The following RBMX2 variants were observed in gnomAD, a reference collection of about 807,000 sequenced individuals.
RBMX2 encodes the protein RNA-binding motif protein, X-linked 2.
For missense variants in RBMX2, 191 were observed against 256.0 expected, an observed-to-expected ratio of 0.75 and a Z score of 1.73; for synonymous variants, 77 against 94.3, an observed-to-expected ratio of 0.82 and a Z score of 1.07.
intron 3 of RBMX2, among the ~76,000 whole-genome samples, chrX:130,406,021 AT>A (rs1380865143): frequency 1.3e-5 from 1 of 77,017 alleles, no homozygotes; most frequent in Non-Finnish European, 2.2e-5. Context: ...CGCCCGGCTA[AT>A]TTTTTTGTAT....
At chrX:130,412,258 G>T in intron 5 of RBMX2, 103 bp from the exon 6 acceptor site, 1 of 993,502 alleles carries the variant, frequency 1.0e-6, no homozygotes, top group Non-Finnish European at 1.3e-6. Context: ...ACCTGTGGTT[G>T]ATGTAACGTA....
At chrX:130,403,771 G>T in intron 2 of RBMX2, 31 bp from the exon 3 acceptor site, 1 of 1,190,386 alleles carries the variant, frequency 8.4e-7, no homozygotes, top group Non-Finnish European at 1.1e-6. Context: ...GGTAAATGTT[G>T]GTGGAACTGA....
At chrX:130,404,657 G>A (rs1028923309) in intron 3 of RBMX2, among the ~76,000 whole-genome samples, 3 of 112,889 alleles carry the variant, frequency 2.7e-5, no homozygotes, top group African/African-American at 6.4e-5. Flanking sequence ...CTGGCCAAGC[G>A]AACACCGGTA....
At chrX:130,403,719 C>G (rs1446622186) in intron 2 of RBMX2, 83 bp from the exon 3 acceptor site, 1 of 900,586 alleles carries the variant, frequency 1.1e-6, no homozygotes, top group African/African-American at 2.0e-5. Flanking sequence ...ACTGTTTCCA[C>G]CCCTAGTGCC....
intron 3 of RBMX2, among the ~76,000 whole-genome samples, chrX:130,405,106 C>T (rs1239933870): frequency 8.9e-6 from 1 of 112,054 alleles, no homozygotes; most frequent in East Asian, 2.8e-4. Flanking sequence ...TGGCTGGGTG[C>T]GGTGGCTCAC....
chrX:130,408,280 G>A (rs2034495404), intron 3 of RBMX2, among the ~76,000 whole-genome samples: 1 of 112,202 alleles, frequency 8.9e-6, no homozygotes, highest in Non-Finnish European at 1.9e-5. Context: ...TTACAGGCAT[G>A]AGCCACCATG....
rs529640469 is a variant in RBMX2, at chrX:130,405,092, T to A, written c.173+1239T>A. Reference sequence around the variant, plus strand: ...TAACAGTGCCTTTCAAAAAACTACTTTGTTGGCTGGGTGCGGTGGCTCACG... The same window carrying A: ...TAACAGTGCCTTTCAAAAAACTACTATGTTGGCTGGGTGCGGTGGCTCACG... On this transcript the variant is annotated intron_variant, in intron 3 of 5. Transcript: ENST00000305536. Among the ~76,000 whole-genome samples the A allele has an allele frequency of 2.2e-3, 242 of 112,057 alleles. 1 individual carries two copies. The Middle Eastern group carries it at 0.032, about 15-fold the overall frequency.
intron 3 of RBMX2, among the ~76,000 whole-genome samples, chrX:130,405,650 A>G (rs929034116): frequency 2.7e-5 from 3 of 110,265 alleles, no homozygotes; most frequent in Non-Finnish European, 3.8e-5. Context: ...TCTTTAGTGA[A>G]AGAGGAATAT....
chrX:130,412,463 A>G lies in RBMX2; in HGVS notation c.584A>G (p.Lys195Arg). The G allele has an allele frequency of 8.3e-7, 1 of 1,210,484 alleles. No individual in the cohort carries two copies. Among genetic ancestry groups the G allele is most frequent in the South Asian group, 1.8e-5 (1 of 56,883 alleles). ...SSSSPRRKTV[K>R]EKDDTGPKKH... is the part of the protein sequence containing the mutation. ...TCGTCACCCAGACGCAAGACAGTAA[A>G]GGAAAAGGATGACACTGGCCCTAAG... is the stretch of plus-strand genomic sequence containing the variant. The change falls in exon 6 of 6, where the codon AAG (lysine) becomes AGG (arginine). Residue 195 changes from lysine (K) to arginine (R), a missense_variant. Coordinates refer to ENST00000305536, the MANE Select transcript of RBMX2 (RefSeq NM_016024.4).
intron 3 of RBMX2, among the ~76,000 whole-genome samples, chrX:130,408,963 T>C (rs2034498913): frequency 8.9e-6 from 1 of 112,458 alleles, no homozygotes; most frequent in East Asian, 2.8e-4. Flanking sequence ...AACGTTTTCC[T>C]GGCTTATACC....
intron 5 of RBMX2, 27 bp downstream of exon 5, chrX:130,411,552 T>G (rs1477855861): frequency 2.7e-6 from 3 of 1,131,349 alleles, no homozygotes; most frequent in East Asian, 3.1e-5. Flanking sequence ...TAAGAGAAGA[T>G]TCTGGGTGGT....
At chrX:130,402,227 C>A in intron 1 of RBMX2, 28 bp from the exon 2 acceptor site, 1 of 1,023,947 alleles carries the variant, frequency 9.8e-7, no homozygotes, top group Non-Finnish European at 1.4e-6. Flanking sequence ...TTCTGCCTAC[C>A]CTCCCCACCC....
chrX:130,406,151 G>A (rs868657364), intron 3 of RBMX2, among the ~76,000 whole-genome samples: 2 of 68,283 alleles, frequency 2.9e-5, no homozygotes, highest in East Asian at 8.6e-4. Flanking sequence ...CACCGCGCCC[G>A]GCCTGCTTTG....
intron 5 of RBMX2, among the ~76,000 whole-genome samples, chrX:130,412,124 C>G (rs2034515803): frequency 9.5e-6 from 1 of 104,933 alleles, no homozygotes; most frequent in East Asian, 3.0e-4. Flanking sequence ...GACGGGGTTT[C>G]ACCGTGTTAG....
intron 1 of RBMX2, 30 bp from the exon 2 acceptor site, chrX:130,402,225 A>ACCCCACCC: frequency 4.9e-5 from 48 of 984,611 alleles, no homozygotes; most frequent in Non-Finnish European, 6.5e-5. Context: ...TTTTCTGCCT[A>ACCCCACCC]CCCTCCCCAC....
At chrX:130,407,439 C>T (rs1043386655) in intron 3 of RBMX2, among the ~76,000 whole-genome samples, 1 of 111,178 alleles carries the variant, frequency 9.0e-6, no homozygotes, top group Non-Finnish European at 1.9e-5. Context: ...GCCTATACCT[C>T]CAATTTAGTA....
At chrX:130,402,431 T>C (rs992441657) in intron 2 of RBMX2, 61 bp downstream of exon 2, 1 of 1,160,780 alleles carries the variant, frequency 8.6e-7, no homozygotes, top group Admixed American at 2.6e-5. Flanking sequence ...TTTCCGACTA[T>C]TTCGGCATTT....
At chrX:130,403,961 C>A in intron 3 of RBMX2, 108 bp downstream of exon 3, 1 of 763,831 alleles carries the variant, frequency 1.3e-6, no homozygotes, top group Non-Finnish European at 2.0e-6. Context: ...GGCTGAATGG[C>A]ATCCCTGCAT....
chrX:130,401,996 G>T lies in RBMX2; in HGVS notation c.-37G>T, dbSNP rs1301727805. On this transcript the variant is annotated 5_prime_UTR_variant, in exon 1 of 6. Transcript: ENST00000305536. ...GCATGCGCTGCGCTGCCTTTCCCGG[G>T]CGCTGATTCCTGAGTGCTGAGCGCG... 1.7e-6 allele frequency: 2 copies of T among 1,183,287 alleles called. No individual in the cohort carries two copies. Among genetic ancestry groups the T allele is most frequent in the East Asian group, 3.1e-5 (1 of 32,766 alleles).
Sources: gnomAD v4.1 joint callset for allele counts (sites outside exome capture counted in the v4.1 genomes callset) on GRCh38, gnomAD v4.1.1 for gene constraint, MANE v1.5 for transcripts, NCBI Gene and HGNC (gene_info 2026-07-23, HGNC 2026-07-21) for gene names.